Variants in LYN observed in about 807,000 individuals in gnomAD.
LYN encodes the protein tyrosine-protein kinase Lyn.
In LYN, 12 loss-of-function variants were observed where a neutral mutation model predicts 65.0. The ratio of observed to expected loss-of-function variants is 0.18; its 90% CI spans 0.12 to 0.30. The LOEUF is 0.30. Ranked by LOEUF, LYN falls within the 10% of genes least tolerant of loss-of-function variation. The pLI, the probability that LYN is intolerant of heterozygous loss-of-function variation, is 1.00. For synonymous variants in LYN, 222 were observed against 221.2 expected (o/e 1.00, Z -0.03); for missense variants, 380 against 623.2 (o/e 0.61, Z 4.16).
At chr8:55,989,093 C>G (rs1808166003) in intron 10 of LYN, among the ~76,000 whole-genome samples, 1 of 152,242 alleles carries the variant, frequency 6.6e-6, no homozygotes, top group South Asian at 2.1e-4. Flanking sequence ...GCTGAGCAAA[C>G]AGTCCACAGG....
At chr8:55,916,696 C>G (rs1351059135) in intron 1 of LYN, among the ~76,000 whole-genome samples, 1 of 152,158 alleles carries the variant, frequency 6.6e-6, no homozygotes, top group Non-Finnish European at 1.5e-5. Flanking sequence ...CTCTCTGGCT[C>G]CATACTGGAA....
At chr8:55,887,013 C>T (rs1016655972) in intron 1 of LYN, among the ~76,000 whole-genome samples, 3 of 152,210 alleles carry the variant, frequency 2.0e-5, no homozygotes, top group Non-Finnish European at 2.9e-5. Flanking sequence ...CCCCTTCCAA[C>T]GTACAGAGAT....
intron 10 of LYN, among the ~76,000 whole-genome samples, chr8:55,975,043 C>T (rs1273460281): frequency 6.6e-6 from 1 of 152,114 alleles, no homozygotes; most frequent in Non-Finnish European, 1.5e-5. Context: ...GCACAAGAGG[C>T]TCCTTAGAGA....
intron 3 of LYN, 42 bp downstream of exon 3, chr8:55,946,535 C>G: frequency 8.4e-7 from 1 of 1,187,116 alleles, no homozygotes; most frequent in Non-Finnish European, 1.2e-6. Flanking sequence ...TTTTTCTTTA[C>G]TATTAGAGCT....
chr8:55,904,691 A>C (rs1288277319), intron 1 of LYN, among the ~76,000 whole-genome samples: 1 of 152,078 alleles, frequency 6.6e-6, no homozygotes, highest in African/African-American at 2.4e-5. Flanking sequence ...TGGAGTTTGC[A>C]GTGAGCCGAG....
chr8:55,933,598 G>C (rs566883423), intron 1 of LYN, among the ~76,000 whole-genome samples: 17 of 152,260 alleles, frequency 1.1e-4, no homozygotes, highest in African/African-American at 4.1e-4. Context: ...TCATTTTATG[G>C]TGAGGCAATT....
At chr8:55,942,345 GTA>G (rs1386809207) in intron 2 of LYN, among the ~76,000 whole-genome samples, 3 of 137,026 alleles carry the variant, frequency 2.2e-5, no homozygotes, top group East Asian at 2.0e-4. Flanking sequence ...ATATATATGT[GTA>G]TATATATGTG....
chr8:55,972,796 C>T (rs577863466), intron 10 of LYN, among the ~76,000 whole-genome samples: 2 of 152,308 alleles, frequency 1.3e-5, no homozygotes, highest in Admixed American at 1.3e-4. Context: ...CTTTTCTATA[C>T]CTTCCCCCCA....
At chr8:55,918,144 A>G (rs1425297136) in intron 1 of LYN, among the ~76,000 whole-genome samples, 2 of 152,206 alleles carry the variant, frequency 1.3e-5, no homozygotes, top group Non-Finnish European at 2.9e-5. Flanking sequence ...CGACTCAGAC[A>G]GGTCTCCACT....
chr8:55,886,507 CA>C (rs1804799691), intron 1 of LYN, among the ~76,000 whole-genome samples: 2 of 152,232 alleles, frequency 1.3e-5, no homozygotes, highest in African/African-American at 4.8e-5. Flanking sequence ...CTCGGCCTCC[CA>C]AAGTGCTGGG....
At chr8:56,006,390 T>C (rs933447009) in intron 12 of LYN, among the ~76,000 whole-genome samples, 1 of 152,156 alleles carries the variant, frequency 6.6e-6, no homozygotes, top group Non-Finnish European at 1.5e-5. Flanking sequence ...ATCTAGCTCT[T>C]CCTGATACAC....
intron 12 of LYN, among the ~76,000 whole-genome samples, chr8:56,006,421 G>A (rs1808675647): frequency 6.6e-6 from 1 of 152,202 alleles, no homozygotes; most frequent in African/African-American, 2.4e-5. Context: ...AGGGCCCTGT[G>A]TGACTGAAGA....
intron 12 of LYN, among the ~76,000 whole-genome samples, chr8:56,009,619 C>T (rs1808760150): frequency 1.3e-5 from 2 of 152,152 alleles, no homozygotes; most frequent in Admixed American, 6.6e-5. Flanking sequence ...TATAAGGATA[C>T]TAGTCATATT....
chr8:55,962,939 A>G (rs1045596043), intron 8 of LYN, among the ~76,000 whole-genome samples: 1 of 152,238 alleles, frequency 6.6e-6, no homozygotes, highest in Non-Finnish European at 1.5e-5. Flanking sequence ...AAGAGGTGCC[A>G]TGCTTTTAGA....
chr8:55,882,538 C>T lies in LYN; in HGVS notation c.-6+2435C>T, dbSNP rs1450738. ...ACAGCAGGGAACATTGTTATAAGCT[C>T]ACTCCTACTGATGATCTCAGTGATG... is the stretch of plus-strand genomic sequence containing the variant. On this transcript the variant is annotated intron_variant, in intron 1 of 12. Transcript: ENST00000519728. Among the ~76,000 whole-genome samples, 1,252 of 152,316 alleles carry T rather than the reference C, an allele frequency of 8.2e-3. 15 individuals carry two copies. Among genetic ancestry groups the T allele is most frequent in the African/African-American group, 0.027 (1,139 of 41,562 alleles).
intron 1 of LYN, among the ~76,000 whole-genome samples, chr8:55,903,740 A>G (rs1466551686): frequency 1.3e-5 from 2 of 152,218 alleles, no homozygotes; most frequent in African/African-American, 4.8e-5. Flanking sequence ...TGTTTTATCC[A>G]TGGTAGCTCA....
At chr8:55,992,440 G>A (rs1346750846) in intron 10 of LYN, among the ~76,000 whole-genome samples, 1 of 152,156 alleles carries the variant, frequency 6.6e-6, no homozygotes, top group African/African-American at 2.4e-5. Flanking sequence ...TTCTTCCAAG[G>A]TGTTTGGAGA....
chr8:56,009,270 A>G (rs995955553), intron 12 of LYN, among the ~76,000 whole-genome samples: 6 of 152,202 alleles, frequency 3.9e-5, no homozygotes, highest in African/African-American at 1.4e-4. Flanking sequence ...TCCTTTTGTT[A>G]TTAAAGAGAA....
chr8:56,003,669 G>A (rs1808594028), intron 12 of LYN, among the ~76,000 whole-genome samples: 1 of 145,832 alleles, frequency 6.9e-6, no homozygotes, highest in African/African-American at 2.6e-5. Flanking sequence ...GCGAGACTCT[G>A]TCTCAAAAAA....
Sources: gnomAD v4.1 joint callset for allele counts (sites outside exome capture counted in the v4.1 genomes callset) on GRCh38, gnomAD v4.1.1 for gene constraint, MANE v1.5 for transcripts, NCBI Gene and HGNC (gene_info 2026-07-23, HGNC 2026-07-21) for gene names.